NLRP4: variants seen among roughly 807,000 people sequenced by gnomAD.
NLRP4 encodes the protein NACHT, LRR and PYD domains-containing protein 4.
NLRP4 carries 44 observed loss-of-function variants against 84.7 expected under a neutral mutation model. The ratio of observed to expected loss-of-function variants is 0.52; its 90% CI spans 0.41 to 0.67. The LOEUF is 0.67. Among genes scored for constraint, NLRP4 ranks in the 30% least tolerant of loss-of-function variants. NLRP4 has a pLI of 0.00. For missense variants in NLRP4, 1,260 were observed against 1,219.4 expected, an observed-to-expected ratio of 1.03 and a Z score of -0.50; for synonymous variants, 544 against 476.4, an observed-to-expected ratio of 1.14 and a Z score of -1.85.
chr19:55,872,537 A>C (rs1985224527), intron 7 of NLRP4, among the ~76,000 whole-genome samples: 1 of 152,220 alleles, frequency 6.6e-6, no homozygotes, highest in Non-Finnish European at 1.5e-5. Context: ...TGAAATGAGC[A>C]AATAATACAA....
Position 55,857,769 on chromosome 19 carries a change from G to A in NLRP4, c.376G>A (p.Glu126Lys). Reference protein sequence around the residue: ...VTEIHLYFEEEVKQEECDHLD... With the variant: ...VTEIHLYFEEKVKQEECDHLD... ...TGAGATTCACCTATACTTTGAGGAG[G>A]AAGTCAAGCAAGAAGAATGTGACCA... The change falls in exon 3 of 10, where the codon GAA (glutamate) becomes AAA (lysine). Residue 126 changes from glutamate to lysine, a missense_variant. By Grantham distance (56) the Glu-to-Lys change is moderately conservative. Coordinates refer to ENST00000301295, the MANE Select transcript of NLRP4 (RefSeq NM_134444.5). 6.2e-7 allele frequency: 1 copy of A among 1,614,094 alleles called. No individual in the cohort carries two copies. The highest frequency in any genetic ancestry group is 1.1e-5 in the South Asian group (1 of 91,078).
intron 3 of NLRP4, 23 bp downstream of exon 3, chr19:55,859,272 T>C (rs754486481): frequency 6.4e-7 from 1 of 1,557,196 alleles, no homozygotes; most frequent in Non-Finnish European, 8.7e-7. Flanking sequence ...TATGACTTTT[T>C]CTCTCTTCTC....
In NLRP4 at chr19:55,858,973, T is replaced by G; in HGVS notation, c.1580T>G (p.Ile527Arg). Residue 527 changes from isoleucine (I) to arginine (R), a missense_variant, in exon 3 of 10, where the codon ATA becomes AGA. Physicochemically the swap from Ile to Arg is moderately conservative, Grantham distance 97. This residue lies in a region of NLRP4 where 712 missense variants were observed against 669.2 expected (regional missense o/e 1.06). Transcript: ENST00000301295. The surrounding 1 kb of genome is among the most constrained non-coding windows in gnomAD (Gnocchi z 4.2). ...AFFGFQLSQEIKQQIHQCLKS... is the reference protein window; with the variant it reads ...AFFGFQLSQERKQQIHQCLKS... Reference sequence around the variant, plus strand: ...TTTGGCTTCCAACTGTCCCAAGAGATAAAGCAGCAAATTCACCAGTGCCTG... The same window carrying G: ...TTTGGCTTCCAACTGTCCCAAGAGAGAAAGCAGCAAATTCACCAGTGCCTG... 1 of 1,614,184 alleles carries G rather than the reference T, an allele frequency of 6.2e-7. No homozygotes were observed. Among genetic ancestry groups the G allele is most frequent in the East Asian group, 2.2e-5 (1 of 44,884 alleles).
At chr19:55,855,178 C>G (rs140438612) in intron 2 of NLRP4, among the ~76,000 whole-genome samples, 2 of 152,192 alleles carry the variant, frequency 1.3e-5, no homozygotes, top group African/African-American at 2.4e-5. Flanking sequence ...CCACTGCACT[C>G]CAGCCTGGGT....
intron 1 of NLRP4, among the ~76,000 whole-genome samples, chr19:55,837,377 G>A (rs757858972): frequency 1.3e-5 from 2 of 151,960 alleles, no homozygotes; most frequent in African/African-American, 4.8e-5. Context: ...AAAAACCCTC[G>A]AAAATAATAA....
chr19:55,876,871 G>C (rs1568675430), intron 7 of NLRP4, 125 bp from the exon 8 acceptor site: 2 of 666,652 alleles, frequency 3.0e-6, no homozygotes, highest in Non-Finnish European at 5.2e-6. Flanking sequence ...TGAATCTGTG[G>C]ATATGGAGGA....
intron 9 of NLRP4, among the ~76,000 whole-genome samples, chr19:55,880,020 T>G (rs1985527789): frequency 6.6e-6 from 1 of 152,156 alleles, no homozygotes; most frequent in East Asian, 1.9e-4. Flanking sequence ...TATAGAGTCC[T>G]TAACATTTTT....
chr19:55,853,809 CTCTT>C (rs143985127), intron 2 of NLRP4, among the ~76,000 whole-genome samples: 10,280 of 146,034 alleles, frequency 0.07, 841 homozygotes, highest in African/African-American at 0.21. Context: ...CTCTCTCTTT[CTCTT>C]TCTTTCTTGC....
chr19:55,840,922 AATGG>A (rs1230950869), intron 1 of NLRP4, among the ~76,000 whole-genome samples: 1 of 152,136 alleles, frequency 6.6e-6, no homozygotes, highest in Non-Finnish European at 1.5e-5. Context: ...CAATAAATGG[AATGG>A]ATGAAGAGTT....
intron 3 of NLRP4, among the ~76,000 whole-genome samples, chr19:55,860,273 C>A (rs1226608699): frequency 6.6e-6 from 1 of 152,166 alleles, no homozygotes; most frequent in African/African-American, 2.4e-5. Flanking sequence ...GCGTGAGCCA[C>A]CGTGCCCGGC....
At chr19:55,878,685 T>C (rs1985466912) in intron 8 of NLRP4, 109 bp from the exon 9 acceptor site, 3 of 902,086 alleles carry the variant, frequency 3.3e-6, no homozygotes, top group South Asian at 1.8e-5. Flanking sequence ...CTGTGAGAGA[T>C]TGCACTTGAG....
intron 6 of NLRP4, among the ~76,000 whole-genome samples, chr19:55,870,098 CAAA>C (rs539136027): frequency 1.5e-5 from 2 of 134,906 alleles, no homozygotes; most frequent in Admixed American, 7.5e-5. Flanking sequence ...ACCCTGTCTC[CAAA>C]AAAAAAAAAG....
intron 1 of NLRP4, among the ~76,000 whole-genome samples, chr19:55,849,386 A>G (rs1283282674): frequency 6.6e-6 from 1 of 152,176 alleles, no homozygotes. Flanking sequence ...ACTTCCAGGG[A>G]TCATTTCTAT....
chr19:55,877,178 C>T lies in NLRP4; in HGVS notation c.2696+12C>T, dbSNP rs368819614. The stretch of plus-strand genomic sequence containing the variant: ...TTAGAGATTCTTGGGTGGGTATCGC[C>T]AAGCTCCTGGTTATGTTTTCATGAG... On this transcript the variant is annotated intron_variant, in intron 8 of 9. Transcript: ENST00000301295. The T allele has an allele frequency of 1.2e-6, 2 of 1,611,182 alleles. No homozygotes were observed. The highest frequency in any genetic ancestry group is 1.3e-5 in the African/African-American group (1 of 74,838).
chr19:55,851,637 TGCG>T (rs1568660028), intron 1 of NLRP4, among the ~76,000 whole-genome samples: 1 of 134,878 alleles, frequency 7.4e-6, no homozygotes, highest in Non-Finnish European at 1.7e-5. Flanking sequence ...TGTCCGAGGC[TGCG>T]GTGTAATGTC....
intron 2 of NLRP4, among the ~76,000 whole-genome samples, chr19:55,853,526 G>C (rs574340977): frequency 2.6e-5 from 4 of 152,266 alleles, no homozygotes; most frequent in Non-Finnish European, 4.4e-5. Flanking sequence ...AAGTAGCTGG[G>C]ACTACAGGTG....
intron 5 of NLRP4, 115 bp downstream of exon 5, chr19:55,862,274 G>A (rs1984794337): frequency 4.6e-6 from 2 of 435,986 alleles, no homozygotes; most frequent in South Asian, 4.1e-5. Flanking sequence ...ATAAGTCTCC[G>A]TTTATTGAGA....
chr19:55,857,396 G>A (rs751821317), intron 2 of NLRP4: 1 of 467,926 alleles, frequency 2.1e-6, no homozygotes, highest in South Asian at 5.1e-5. Context: ...TTTGTGTAGA[G>A]GACCATATGG....
rs745682260 is a variant in NLRP4 at position 55,857,883 on chromosome 19, C to G, written c.490C>G (p.Leu164Val). Residue 164 changes from leucine to valine, a missense_variant, in exon 3 of 10, where the codon CTC (leucine) becomes GTC (valine). Physicochemically the swap from Leu to Val is conservative, Grantham distance 32. Transcript: ENST00000301295. Reference sequence around the variant, plus strand: ...ACCACAAGGAATTGGAAAAACGACACTCCTGATGAAGCTGATGATGGCCTG... The same window carrying G: ...ACCACAAGGAATTGGAAAAACGACAGTCCTGATGAAGCTGATGATGGCCTG... ...QGPQGIGKTT[L>V]LMKLMMAWSD... The G allele has an allele frequency of 6.2e-7, 1 of 1,614,018 alleles. No individual in the cohort carries two copies. Among genetic ancestry groups the G allele is most frequent in the African/African-American group, 1.3e-5 (1 of 74,942 alleles).
Sources: allele counts gnomAD v4.1 joint callset (sites outside exome capture counted in the v4.1 genomes callset), GRCh38; gene constraint gnomAD v4.1.1; regional missense constraint gnomAD v4.1.1; non-coding constraint Gnocchi (gnomAD v3.1); transcripts MANE v1.5; gene names NCBI Gene and HGNC (gene_info 2026-07-23, HGNC 2026-07-21).